Variants in CCDC102B observed in about 807,000 individuals in gnomAD.
The protein encoded by CCDC102B is coiled-coil domain containing 102B, also known as coiled-coil domain-containing protein 102B.
CCDC102B carries 75 observed loss-of-function variants against 57.4 expected under a neutral mutation model. The observed-to-expected ratio is 1.31, with a 90% CI of 1.08 to 1.58. CCDC102B has a LOEUF of 1.58. CCDC102B is among the 40% of genes most tolerant of loss of function. The pLI is 0.00. For missense variants in CCDC102B, 636 were observed against 582.6 expected (o/e 1.09, Z -0.94); for synonymous variants, 206 against 201.9 (o/e 1.02, Z -0.17).
chr18:68,772,867 A>C (rs988254876), intron 2 of CCDC102B, among the ~76,000 whole-genome samples: 4 of 152,084 alleles, frequency 2.6e-5, no homozygotes, highest in East Asian at 3.9e-4. Context: ...GTTTACCAGA[A>C]AAATTTCAGA....
chr18:68,956,174 T>C (rs888857831), intron 6 of CCDC102B, among the ~76,000 whole-genome samples: 3 of 150,980 alleles, frequency 2.0e-5, no homozygotes, highest in South Asian at 4.1e-4. Flanking sequence ...AGTAGTCCAT[T>C]GTGTACCACA....
At chr18:69,002,219 A>G (rs1568116825) in intron 6 of CCDC102B, among the ~76,000 whole-genome samples, 1 of 152,210 alleles carries the variant, frequency 6.6e-6, no homozygotes, top group Non-Finnish European at 1.5e-5. Flanking sequence ...TCAATAAAAC[A>G]GTTATTTCTT....
At position 68,726,521 on chromosome 18, in the gene CCDC102B, G is replaced by A. The variant is rs146107838; in HGVS notation, c.-67+9927G>A. Among the ~76,000 whole-genome samples, 576 of 152,318 alleles carry A rather than the reference G, an allele frequency of 3.8e-3. 3 individuals carry two copies. The highest frequency in any genetic ancestry group is 0.015 in the East Asian group (80 of 5,180). On this transcript the variant is annotated intron_variant, in intron 2 of 3. Coordinates refer to the CCDC102B transcript ENST00000578970. ...AACAATAACTTTAATAGCTTCAGAA[G>A]TCCCTGATATAATCCACACTATTCA...
intron 2 of CCDC102B, among the ~76,000 whole-genome samples, chr18:68,769,657 C>A (rs1469614290): frequency 1.3e-5 from 2 of 151,902 alleles, no homozygotes; most frequent in African/African-American, 4.8e-5. Flanking sequence ...TCACTGGCAG[C>A]TAGGCAAGAA....
chr18:68,909,450 TA>T (rs2040761441), intron 6 of CCDC102B, among the ~76,000 whole-genome samples: 1 of 152,216 alleles, frequency 6.6e-6, no homozygotes, highest in Non-Finnish European at 1.5e-5. Context: ...CTGGCTGTTA[TA>T]AAATCAGATT....
chr18:68,811,308 G>A (rs181618410), intron 1 of CCDC102B, among the ~76,000 whole-genome samples: 1 of 152,272 alleles, frequency 6.6e-6, no homozygotes, highest in Admixed American at 6.5e-5. Context: ...GAAAGAAACA[G>A]TTTCTTTTCT....
chr18:68,866,863 A>G, intron 4 of CCDC102B: 2 of 679,780 alleles, frequency 2.9e-6, no homozygotes, highest in East Asian at 3.0e-5. Flanking sequence ...GATCCACCAC[A>G]GCTACATTGG....
At chr18:68,752,885 C>T (rs1378113848) in intron 2 of CCDC102B, among the ~76,000 whole-genome samples, 1 of 152,114 alleles carries the variant, frequency 6.6e-6, no homozygotes, top group Non-Finnish European at 1.5e-5. Flanking sequence ...CTGGTTCCTA[C>T]ATCAGTGAAT....
intron 7 of CCDC102B, among the ~76,000 whole-genome samples, chr18:69,029,912 A>G (rs2052093161): frequency 6.6e-6 from 1 of 152,200 alleles, no homozygotes; most frequent in Admixed American, 6.5e-5. Flanking sequence ...TGTGCTTTAA[A>G]TAGCAGTTAT....
chr18:69,040,883 T>A lies in CCDC102B; in HGVS notation c.1435-13147T>A, dbSNP rs577138984. Among the ~76,000 whole-genome samples, 133 of 152,090 alleles carry A rather than the reference T, an allele frequency of 8.7e-4. 1 individual carries two copies. The highest frequency in any genetic ancestry group is 3.2e-3 in the African/African-American group (131 of 41,508). On this transcript the variant is annotated intron_variant, in intron 7 of 7. Transcript: ENST00000360242. ...CCTCTCTTACCATTTTGAATCTAAT[T>A]CTTTAAACCTGGGTGAGGTAAGAGG...
chr18:69,031,786 G>A (rs2145445508), intron 7 of CCDC102B, among the ~76,000 whole-genome samples: 1 of 152,122 alleles, frequency 6.6e-6, no homozygotes, highest in Non-Finnish European at 1.5e-5. Context: ...GGCAGGTGGT[G>A]TCTTAATATA....
At chr18:68,805,739 T>G in intron 1 of CCDC102B, among the ~76,000 whole-genome samples, 1 of 152,138 alleles carries the variant, frequency 6.6e-6, no homozygotes, top group East Asian at 1.9e-4. Context: ...GAGGTCATAT[T>G]ATTGGAATTA....
At chr18:68,842,320 A>G (rs1394961635) in intron 3 of CCDC102B, among the ~76,000 whole-genome samples, 1 of 151,848 alleles carries the variant, frequency 6.6e-6, no homozygotes, top group Non-Finnish European at 1.5e-5. Flanking sequence ...TAAATATTTG[A>G]AAATCAAGCT....
At chr18:68,856,011 G>GA (rs1331828935) in intron 4 of CCDC102B, among the ~76,000 whole-genome samples, 4 of 152,108 alleles carry the variant, frequency 2.6e-5, no homozygotes, top group African/African-American at 7.2e-5. Context: ...GAATGAGTGA[G>GA]AAAAAAATAC....
At chr18:68,836,626 AAAAT>A in intron 1 of CCDC102B, 119 bp from the exon 2 acceptor site, 34 of 620,482 alleles carry the variant, frequency 5.5e-5, no homozygotes, top group East Asian at 1.5e-4. Context: ...GACTCTGTCA[AAAAT>A]AAAAAAAAAG....
chr18:69,035,859 T>A (rs1322232405), intron 7 of CCDC102B, among the ~76,000 whole-genome samples: 2 of 152,090 alleles, frequency 1.3e-5, no homozygotes, highest in South Asian at 2.1e-4. Flanking sequence ...ATTTGGGGAA[T>A]TTGTGAACAG....
chr18:68,797,878 A>G (rs1347681130), upstream of CCDC102B, among the ~76,000 whole-genome samples: 1 of 151,462 alleles, frequency 6.6e-6, no homozygotes, highest in Non-Finnish European at 1.5e-5. Flanking sequence ...TTTTTCATCC[A>G]CAGTACAGGT....
At chr18:68,988,456 C>T (rs57909186) in intron 6 of CCDC102B, among the ~76,000 whole-genome samples, 13,076 of 151,526 alleles carry the variant, frequency 0.086, 895 homozygotes, top group African/African-American at 0.18. Flanking sequence ...CTCACTACTT[C>T]GGTGGTGGTA....
intron 5 of CCDC102B, 46 bp from the exon 6 acceptor site, chr18:68,897,173 C>A: frequency 6.7e-7 from 1 of 1,486,226 alleles, no homozygotes; most frequent in Non-Finnish European, 9.2e-7. Flanking sequence ...TATCTTTTGG[C>A]AATTGCAAAT....
Sources: gnomAD v4.1 joint callset for allele counts (sites outside exome capture counted in the v4.1 genomes callset) on GRCh38, gnomAD v4.1.1 for gene constraint, MANE v1.5 for transcripts, NCBI Gene and HGNC (gene_info 2026-07-23, HGNC 2026-07-21) for gene names.